Variants in ITGA11 observed in about 807,000 individuals in gnomAD.
ITGA11 encodes integrin alpha-11.
ITGA11 carries 97 observed loss-of-function variants against 141.9 expected under a neutral mutation model. The observed-to-expected ratio is 0.68, with a 90% CI of 0.58 to 0.81. The LOEUF is 0.81. Among genes scored for constraint, ITGA11 ranks in the 30% least tolerant of loss-of-function variants. ITGA11 has a pLI of 0.00. For synonymous variants in ITGA11, 658 were observed against 624.6 expected (o/e 1.05, Z -0.80); for missense variants, 1,387 against 1,559.2 (o/e 0.89, Z 1.86).
intron 2 of ITGA11, among the ~76,000 whole-genome samples, chr15:68,390,199 G>C (rs1037747674): frequency 5.3e-5 from 8 of 152,182 alleles, no homozygotes; most frequent in African/African-American, 1.9e-4. Context: ...CTGAGTTTGA[G>C]CTCTGAGTTG....
intron 20 of ITGA11, among the ~76,000 whole-genome samples, chr15:68,318,879 G>A (rs1324287072): frequency 2.6e-5 from 4 of 152,128 alleles, no homozygotes; most frequent in Admixed American, 2.0e-4. Flanking sequence ...TAGGACCCCC[G>A]CAACACCCAC....
rs540962949 is a variant in ITGA11, at chr15:68,319,902, A to T, written c.2616+283T>A. On this transcript the variant is annotated intron_variant, in intron 20 of 29. Transcript: ENST00000315757. The stretch of plus-strand genomic sequence containing the variant: ...AATCAGTTAGGATCTCCAGAGGAGG[A>T]GTCTGGGGGCAGGCTTTTTAAAGCT... Among the ~76,000 whole-genome samples the T allele has an allele frequency of 2.0e-5, 3 of 151,936 alleles. No homozygotes were observed. The East Asian group carries it at 5.9e-4, about 30-fold the overall frequency.
chr15:68,428,529 C>G (rs1169680851), intron 1 of ITGA11, among the ~76,000 whole-genome samples: 9 of 152,114 alleles, frequency 5.9e-5, no homozygotes, highest in Non-Finnish European at 1.2e-4. Context: ...ACTCCAGGGT[C>G]TGCTTGTGAT....
chr15:68,366,196 G>A (rs1022354335), intron 3 of ITGA11, among the ~76,000 whole-genome samples: 1 of 152,030 alleles, frequency 6.6e-6, no homozygotes, highest in Non-Finnish European at 1.5e-5. Flanking sequence ...GTAAAGCCCC[G>A]GTGTTTCTGA....
At chr15:68,405,480 A>G (rs1419424581) in intron 1 of ITGA11, among the ~76,000 whole-genome samples, 2 of 152,148 alleles carry the variant, frequency 1.3e-5, no homozygotes, top group African/African-American at 4.8e-5. Context: ...AATCTCCCAC[A>G]TGAATTTAGT....
At chr15:68,414,564 G>A (rs1896844579) in intron 1 of ITGA11, among the ~76,000 whole-genome samples, 1 of 152,176 alleles carries the variant, frequency 6.6e-6, no homozygotes, top group Admixed American at 6.5e-5. Flanking sequence ...TGAGGAAGTA[G>A]GGCCAGGTGG....
chr15:68,355,436 GT>G (rs1475224257), intron 7 of ITGA11, among the ~76,000 whole-genome samples: 1 of 151,786 alleles, frequency 6.6e-6, no homozygotes, highest in African/African-American at 2.4e-5. Context: ...CTACTAAATA[GT>G]TCTTTTTTTC....
chr15:68,302,222 C>A lies in ITGA11; in HGVS notation c.*837G>T, dbSNP rs1249588153. ...CTAGGGGCAGGCTGCAGCAAGAAGA[C>A]GTGGGAATGCACAGCCCCAGGGATT... On this transcript the variant is annotated 3_prime_UTR_variant, in exon 30 of 30. Coordinates refer to ENST00000315757, the MANE Select transcript of ITGA11 (RefSeq NM_001004439.2). 6.6e-6 allele frequency: 1 copy of A among 152,176 alleles called. No individual in the cohort carries two copies. Among genetic ancestry groups the A allele is most frequent in the Non-Finnish European group, 1.5e-5 (1 of 68,082 alleles). The allele number at this position is 152,176 out of a possible 1,614,324, so 9.4% of individuals were successfully genotyped here.
At chr15:68,354,148 ATCTCTT>A (rs1894998118) in intron 7 of ITGA11, among the ~76,000 whole-genome samples, 1 of 151,330 alleles carries the variant, frequency 6.6e-6, no homozygotes, top group Non-Finnish European at 1.5e-5. Flanking sequence ...CATAGCTTTC[ATCTCTT>A]TCTAGTATGC....
At chr15:68,392,186 A>C (rs1244620601) in intron 2 of ITGA11, among the ~76,000 whole-genome samples, 1 of 152,268 alleles carries the variant, frequency 6.6e-6, no homozygotes, top group Admixed American at 6.5e-5. Flanking sequence ...AGGGATAGTC[A>C]GAGAAAGTTT....
chr15:68,341,551 G>T (rs1894569728), intron 10 of ITGA11, among the ~76,000 whole-genome samples: 1 of 152,252 alleles, frequency 6.6e-6, no homozygotes, highest in Non-Finnish European at 1.5e-5. Flanking sequence ...GGGCAGAGAA[G>T]AAAACATCTA....
At chr15:68,357,064 T>G in intron 7 of ITGA11, 87 bp downstream of exon 7, 1 of 1,218,216 alleles carries the variant, frequency 8.2e-7, no homozygotes, top group Non-Finnish European at 1.1e-6. Flanking sequence ...AGGTACTAAA[T>G]TTTGTGGTAG....
At chr15:68,403,107 C>T (rs1056388908) in intron 1 of ITGA11, 78 bp from the exon 2 acceptor site, 1 of 947,946 alleles carries the variant, frequency 1.1e-6, no homozygotes, top group Non-Finnish European at 1.7e-6. Context: ...TGTCAGGACC[C>T]ATTGGCAGGT....
At chr15:68,411,710 G>A (rs1040687231) in intron 1 of ITGA11, among the ~76,000 whole-genome samples, 1 of 152,134 alleles carries the variant, frequency 6.6e-6, no homozygotes, top group African/African-American at 2.4e-5. Context: ...CTTTACCATG[G>A]GACTTTGTAA....
At chr15:68,418,536 T>C (rs898016823) in intron 1 of ITGA11, among the ~76,000 whole-genome samples, 1 of 152,096 alleles carries the variant, frequency 6.6e-6, no homozygotes, top group Non-Finnish European at 1.5e-5. Context: ...TAAAAGCCCA[T>C]TTATGTACAC....
In ITGA11 at chr15:68,305,550, CAG is replaced by C. The variant is rs1893164265; in HGVS notation, c.3382-1667_3382-1666del. On this transcript the variant is annotated intron_variant, in intron 28 of 29. Transcript: ENST00000315757. This position sits in a 1 kb window ranked among gnomAD's most constrained non-coding sequence, Gnocchi z 4.6. ...TGAATGGACCACCTGCAACAGCAGA[CAG>C]AGCCATGTGGAGTGAATGGACCACC... Among the ~76,000 whole-genome samples the C allele has an allele frequency of 6.6e-6, 1 of 152,174 alleles. No individual in the cohort carries two copies. The highest frequency in any genetic ancestry group is 1.5e-5 in the Non-Finnish European group (1 of 68,032).
chr15:68,371,293 A>G (rs1421904379), intron 2 of ITGA11, among the ~76,000 whole-genome samples: 1 of 152,174 alleles, frequency 6.6e-6, no homozygotes, highest in African/African-American at 2.4e-5. Context: ...TCCAGTTTTC[A>G]AGGTTAACCT....
chr15:68,385,205 G>A (rs181173465), intron 2 of ITGA11, among the ~76,000 whole-genome samples: 88 of 152,382 alleles, frequency 5.8e-4, no homozygotes, highest in Non-Finnish European at 8.1e-4. Flanking sequence ...GCCAAGCTGG[G>A]AAGGGAGCTC....
At chr15:68,319,911 G>A (rs1893734425) in intron 20 of ITGA11, among the ~76,000 whole-genome samples, 1 of 152,060 alleles carries the variant, frequency 6.6e-6, no homozygotes, top group African/African-American at 2.4e-5. Context: ...GAGTCTGGGG[G>A]CAGGCTTTTT....
Sources: gnomAD v4.1 joint callset for allele counts (sites outside exome capture counted in the v4.1 genomes callset) on GRCh38, gnomAD v4.1.1 for gene constraint, Gnocchi (gnomAD v3.1) non-coding constraint, MANE v1.5 for transcripts, NCBI Gene and HGNC (gene_info 2026-07-23, HGNC 2026-07-21) for gene names.